PCDH11X: variants seen among roughly 807,000 people sequenced by gnomAD.
PCDH11X encodes the protein protocadherin-11 X-linked.
PCDH11X carries 18 observed loss-of-function variants against 53.3 expected under a neutral mutation model. The observed-to-expected ratio is 0.34, with a 90% confidence interval of 0.23 to 0.50. The LOEUF (loss-of-function observed/expected upper bound fraction) is 0.50. Ranked by LOEUF, PCDH11X falls within the 20% of genes least tolerant of loss-of-function variation. The pLI, the probability that PCDH11X is intolerant of heterozygous loss-of-function variation, is 0.98. For synonymous variants in PCDH11X, 279 were observed against 393.3 expected (o/e 0.71, Z 3.44); for missense variants, 570 against 1,032.4 (o/e 0.55, Z 6.14).
At chrX:92,406,481 G>T (rs1490246970) in intron 9 of PCDH11X, among the ~76,000 whole-genome samples, 2 of 102,661 alleles carry the variant, frequency 1.9e-5, no homozygotes, top group Non-Finnish European at 3.9e-5. Context: ...CAATGGAATT[G>T]TTGGATGAAA....
At chrX:92,482,654 T>A (rs1266488597) in intron 10 of PCDH11X, among the ~76,000 whole-genome samples, 2 of 111,073 alleles carry the variant, frequency 1.8e-5, no homozygotes, top group Non-Finnish European at 3.8e-5. Flanking sequence ...CAGGTACCAA[T>A]GTTTAACTTG....
intron 7 of PCDH11X, among the ~76,000 whole-genome samples, chrX:92,216,764 G>A (rs1173927803): frequency 1.1e-5 from 1 of 92,002 alleles, no homozygotes; most frequent in Non-Finnish European, 2.2e-5. Context: ...ATTCACCAAA[G>A]TTGAAATGAA....
At chrX:91,857,013 A>C (rs761179099) in intron 5 of PCDH11X, among the ~76,000 whole-genome samples, 5 of 111,185 alleles carry the variant, frequency 4.5e-5, no homozygotes, top group African/African-American at 1.3e-4. Context: ...CCTAGGTTAT[A>C]TTAGTCTGTT....
intron 6 of PCDH11X, among the ~76,000 whole-genome samples, chrX:92,101,160 T>G (rs1242739959): frequency 9.0e-6 from 1 of 111,530 alleles, no homozygotes; most frequent in Non-Finnish European, 1.9e-5. Context: ...GGAGAAACAG[T>G]GTAAACTGGC....
In PCDH11X at chrX:92,213,657, A is replaced by G. The variant is rs190492793; in HGVS notation, c.3114+12202A>G. 2.7e-5 allele frequency among the ~76,000 whole-genome samples: 3 copies of G among 111,722 alleles called. No individual in the cohort carries two copies. The East Asian group carries it at 8.5e-4, about 32-fold the overall frequency. On this transcript the variant is annotated intron_variant, in intron 7 of 10. Coordinates refer to ENST00000682573, the MANE Select transcript of PCDH11X (RefSeq NM_032968.5). ...AACAGAGCAGATGGGTGTCATGTCCATAGATAAAAGGCTTATGAGCTCCCA... is the reference window on the plus strand; with the variant it reads ...AACAGAGCAGATGGGTGTCATGTCCGTAGATAAAAGGCTTATGAGCTCCCA...
At chrX:92,363,912 T>C (rs1323004888) in intron 8 of PCDH11X, among the ~76,000 whole-genome samples, 1 of 111,820 alleles carries the variant, frequency 8.9e-6, no homozygotes, top group Non-Finnish European at 1.9e-5. Flanking sequence ...TCCATTGATA[T>C]GATGAGGTAT....
intron 9 of PCDH11X, among the ~76,000 whole-genome samples, chrX:92,406,757 CAA>C (rs768361098): frequency 1.0e-5 from 1 of 95,631 alleles, no homozygotes; most frequent in African/African-American, 3.8e-5. Flanking sequence ...AACCGGTCTA[CAA>C]AAAAAAAAAG....
intron 6 of PCDH11X, among the ~76,000 whole-genome samples, chrX:92,131,102 T>G (rs955926493): frequency 1.3e-4 from 14 of 111,739 alleles, no homozygotes; most frequent in African/African-American, 4.5e-4. Context: ...ATACTCTGAA[T>G]CATGATATAT....
intron 6 of PCDH11X, among the ~76,000 whole-genome samples, chrX:92,104,128 C>T (rs2064322588): frequency 9.0e-6 from 1 of 111,004 alleles, no homozygotes; most frequent in Non-Finnish European, 1.9e-5. Context: ...TAGCTCCAGC[C>T]ACCTTTTTAA....
chrX:92,306,529 A>T (rs1197212091), intron 8 of PCDH11X, among the ~76,000 whole-genome samples: 1 of 110,117 alleles, frequency 9.1e-6, no homozygotes, highest in Non-Finnish European at 1.9e-5. Flanking sequence ...ATATTTAATT[A>T]ATATCAGAAA....
At chrX:91,896,149 G>T in intron 6 of PCDH11X, among the ~76,000 whole-genome samples, 1 of 108,813 alleles carries the variant, frequency 9.2e-6, no homozygotes, top group Non-Finnish European at 1.9e-5. Flanking sequence ...TTTTGAGACA[G>T]AGTCTCTCTC....
intron 6 of PCDH11X, chrX:91,982,936 ACT>A: frequency 1.8e-6 from 2 of 1,103,846 alleles, no homozygotes; most frequent in South Asian, 1.8e-5. Context: ...AGGCCACCAA[ACT>A]CTGTCCCGTC....
chrX:92,564,981 A>G (rs2148766672), intron 10 of PCDH11X, among the ~76,000 whole-genome samples: 1 of 111,255 alleles, frequency 9.0e-6, no homozygotes, highest in African/African-American at 3.3e-5. Context: ...ACATTTCTCA[A>G]AAGAATACAT....
At chrX:92,464,137 C>G (rs2073108439) in intron 9 of PCDH11X, among the ~76,000 whole-genome samples, 1 of 111,633 alleles carries the variant, frequency 9.0e-6, no homozygotes, top group Admixed American at 9.5e-5. Flanking sequence ...TGGATAGAAA[C>G]TTTAATATAC....
At chrX:92,568,270 A>C (rs2148770256) in intron 10 of PCDH11X, among the ~76,000 whole-genome samples, 1 of 109,587 alleles carries the variant, frequency 9.1e-6, no homozygotes. Context: ...AATACAAAAA[A>C]AATTAGCCCG....
At chrX:92,161,573 C>T (rs2065644113) in intron 6 of PCDH11X, among the ~76,000 whole-genome samples, 1 of 109,582 alleles carries the variant, frequency 9.1e-6, no homozygotes, top group Admixed American at 9.9e-5. Flanking sequence ...TCTAGCAAGG[C>T]CGGGGAAGTT....
Position 92,113,618 on chromosome X carries a change from G to A in PCDH11X, c.3034-87757G>A, listed in dbSNP as rs991939135. 52 of 1,195,000 alleles carry A rather than the reference G, an allele frequency of 4.4e-5. 4 individuals are homozygous for A. The African/African-American group carries it at 4.9e-4, about 11-fold the overall frequency. On this transcript the variant is annotated intron_variant, in intron 6 of 10. Transcript: ENST00000682573. ...TCGGTGAGCCAGTCCACCTTCCTCC[G>A]GGTATTGATGAAGATGACTGCCTGG...
At chrX:91,899,502 C>T (rs1294094930) in intron 6 of PCDH11X, among the ~76,000 whole-genome samples, 1 of 110,567 alleles carries the variant, frequency 9.0e-6, no homozygotes, top group Non-Finnish European at 1.9e-5. Flanking sequence ...AACTTCAATC[C>T]AATCAAGTTG....
At position 91,922,169 on chromosome X, in the gene PCDH11X, G is replaced by A. The variant is rs2524631; in HGVS notation, c.3033+42896G>A. Among the ~76,000 whole-genome samples the A allele has an allele frequency of 5.4e-5, 6 of 111,570 alleles. No individual in the cohort carries two copies. The Admixed American group carries it at 5.7e-4, about 11-fold the overall frequency. On this transcript the variant is annotated intron_variant, in intron 6 of 10. Coordinates refer to ENST00000682573, the MANE Select transcript of PCDH11X (RefSeq NM_032968.5). ...TTGGATGGTTTTAAAATTATAACTC[G>A]GTAATAATAGCTAACCTGTATATAG...
Sources: allele counts gnomAD v4.1 joint callset (sites outside exome capture counted in the v4.1 genomes callset), GRCh38; gene constraint gnomAD v4.1.1; transcripts MANE v1.5; gene names NCBI Gene and HGNC (gene_info 2026-07-23, HGNC 2026-07-21).